The following GBF1 variants were observed in gnomAD, a reference collection of about 807,000 sequenced individuals.
GBF1 encodes the protein Golgi-specific brefeldin A-resistance guanine nucleotide exchange factor 1.
Under a neutral mutation model 210.5 loss-of-function variants are expected in GBF1, and 114 were observed. The ratio of observed to expected loss-of-function variants is 0.54; its 90% CI spans 0.47 to 0.63. The LOEUF (loss-of-function observed/expected upper bound fraction) is 0.63, where lower values mean the gene tolerates loss of function less well. GBF1 is among the 30% of genes least tolerant of loss of function. The probability of loss-of-function intolerance (pLI) is 0.00; values close to 1 mark genes in which losing one functional copy is unlikely to be tolerated. For synonymous variants in GBF1, 850 were observed against 889.2 expected (o/e 0.96, Z 0.78); for missense variants, 1,851 against 2,357.7 (o/e 0.79, Z 4.45).
At chr10:102,377,201 G>T (rs779253604) in intron 33 of GBF1, 61 bp downstream of exon 33, 3 of 1,441,830 alleles carry the variant, frequency 2.1e-6, no homozygotes, top group African/African-American at 2.8e-5. Flanking sequence ...AGCCTGGGGC[G>T]GCCAGGGAAA....
At chr10:102,367,377 G>A (rs954904916) in intron 20 of GBF1, 101 bp from the exon 21 acceptor site, 7 of 1,142,018 alleles carry the variant, frequency 6.1e-6, no homozygotes, top group African/African-American at 1.5e-5. Context: ...GGGTTTTTTC[G>A]CTTACCTTTT....
the GBF1 span, among the ~76,000 whole-genome samples, chr10:102,236,349 G>T: frequency 1.3e-5 from 2 of 152,242 alleles, no homozygotes; most frequent in African/African-American, 4.8e-5. Context: ...GACAGAGAGA[G>T]TCAGAAGATA....
At chr10:102,287,476 C>T (rs1036038220) in intron 3 of GBF1, among the ~76,000 whole-genome samples, 3 of 150,348 alleles carry the variant, frequency 2.0e-5, no homozygotes, top group African/African-American at 7.4e-5. Flanking sequence ...GCATGAGCCA[C>T]TGCACCTGGT....
chr10:102,354,904 A>C (rs1034332404), intron 8 of GBF1, among the ~76,000 whole-genome samples: 4 of 145,372 alleles, frequency 2.8e-5, no homozygotes, highest in Non-Finnish European at 4.5e-5. Flanking sequence ...TAGTCCATCT[A>C]GTTGGGATCT....
chr10:102,304,025 A>G (rs2077626924), intron 3 of GBF1, among the ~76,000 whole-genome samples: 1 of 151,966 alleles, frequency 6.6e-6, no homozygotes, highest in Non-Finnish European at 1.5e-5. Flanking sequence ...GCCTTTAGAG[A>G]GCACATAATG....
rs749478263 is a variant in GBF1, at chr10:102,376,667, C to T, written c.4155C>T (p.His1385=). The T allele has an allele frequency of 8.5e-5, 137 of 1,613,768 alleles. No individual in the cohort carries two copies. In the Admixed American group the frequency reaches 1.7e-3, roughly 20 times the overall value. ...CAGTGGGACTGGATTTGGGGCCACA[C>T]GACACTAAGTCTCTGCTTAAGTGTG... ...SLTVGLDLGP[H]DTKSLLKCVE... Residue 1385 remains histidine, a synonymous_variant, in exon 32 of 40, where the codon CAC becomes CAT. Coordinates refer to ENST00000369983, the MANE Select transcript of GBF1 (RefSeq NM_001377137.1).
intron 3 of GBF1, 95 bp downstream of exon 3, chr10:102,260,211 T>C: frequency 1.5e-6 from 1 of 683,360 alleles, no homozygotes; most frequent in Middle Eastern, 2.7e-4. Context: ...TAAAGGACTT[T>C]ATAGTAAATA....
At chr10:102,286,200 T>TG (rs1554951951) in intron 3 of GBF1, among the ~76,000 whole-genome samples, 8 of 134,786 alleles carry the variant, frequency 5.9e-5, no homozygotes, top group African/African-American at 2.4e-4. Context: ...AAGGGTTTTT[T>TG]TTTTTTTTTT....
At chr10:102,368,150 C>T in intron 21 of GBF1, 68 bp from the exon 22 acceptor site, 2 of 983,062 alleles carry the variant, frequency 2.0e-6, no homozygotes, top group Admixed American at 3.4e-5. Context: ...TGGATGAACT[C>T]CTAGTCTTGG....
At chr10:102,329,919 G>A (rs1271188209) in intron 3 of GBF1, among the ~76,000 whole-genome samples, 2 of 152,006 alleles carry the variant, frequency 1.3e-5, no homozygotes, top group Admixed American at 6.6e-5. Flanking sequence ...GACCAGCCTG[G>A]GCAACATAGC....
Position 102,363,905 on chromosome 10 carries a change from C to T in GBF1, c.2106+107C>T. 1 of 687,026 alleles carries T rather than the reference C, an allele frequency of 1.5e-6. No homozygotes were observed. The highest frequency in any genetic ancestry group is 2.5e-6 in the Non-Finnish European group (1 of 393,514). The allele number at this position is 687,026 out of a possible 1,614,324, so 42.6% of individuals were successfully genotyped here. A position where few individuals can be genotyped will look rare whatever the true frequency, so the allele number is the denominator to read the frequency against. On this transcript the variant is annotated intron_variant, in intron 17 of 39. Transcript: ENST00000369983. This position sits in a 1 kb window ranked among gnomAD's most constrained non-coding sequence, Gnocchi z 4.2. The stretch of plus-strand genomic sequence containing the variant: ...GAGAGTCTAGCACCTCATTGTACAG[C>T]TTCCTGAGGCCAGTCTTTGGGCTTG...
rs1211965905 is a variant in GBF1 at position 102,382,161 on chromosome 10, C to T, written c.5408C>T (p.Pro1803Leu). The stretch of plus-strand genomic sequence containing the variant: ...AGCCCCACCCCCGACGGGCCTCCAC[C>T]CTTGGCTCAGCCCCCACTGATCCTG... ...RLSPTPDGPP[P>L]LAQPPLILQP... Residue 1803 changes from proline to leucine, a missense_variant, in exon 40 of 40, where the codon CCC becomes CTC. Coordinates refer to ENST00000369983, the MANE Select transcript of GBF1 (RefSeq NM_001377137.1). 1.2e-6 allele frequency: 2 copies of T among 1,613,534 alleles called. No individual in the cohort carries two copies. The highest frequency in any genetic ancestry group is 2.2e-5 in the East Asian group (1 of 44,890).
intron 3 of GBF1, among the ~76,000 whole-genome samples, chr10:102,338,616 A>G (rs559364955): frequency 1.3e-5 from 2 of 152,026 alleles, no homozygotes; most frequent in East Asian, 1.9e-4. Flanking sequence ...GAGTGAGACT[A>G]GTCCATTGAC....
At chr10:102,249,321 T>A (rs1365392285) in intron 1 of GBF1, among the ~76,000 whole-genome samples, 1 of 152,096 alleles carries the variant, frequency 6.6e-6, no homozygotes, top group Non-Finnish European at 1.5e-5. Context: ...TAGAGAAGGT[T>A]TGTTTTATTT....
At chr10:102,235,186 C>CCCA in the GBF1 span, among the ~76,000 whole-genome samples, 4 of 144,626 alleles carry the variant, frequency 2.8e-5, no homozygotes, top group East Asian at 2.3e-4. Flanking sequence ...CCCACCCCCC[C>CCCA]ACCGCCTCCC....
chr10:102,352,942 C>G (rs574361839), intron 7 of GBF1, among the ~76,000 whole-genome samples: 10 of 152,222 alleles, frequency 6.6e-5, no homozygotes, highest in Admixed American at 5.9e-4. Context: ...GGCAAACCCC[C>G]CTCAGTCCCA....
chr10:102,246,605 A>T (rs2070864296), intron 1 of GBF1, among the ~76,000 whole-genome samples: 1 of 152,204 alleles, frequency 6.6e-6, no homozygotes, highest in Non-Finnish European at 1.5e-5. Context: ...TCGGCCTATT[A>T]TGTTTAGTGG....
chr10:102,378,126 G>A (rs1208491676), intron 33 of GBF1, among the ~76,000 whole-genome samples: 1 of 151,426 alleles, frequency 6.6e-6, no homozygotes, highest in African/African-American at 2.4e-5. Flanking sequence ...GCTGAGACAG[G>A]AGAATGGCGT....
rs1452798566 is a variant in GBF1, at chr10:102,379,343, G to A, written c.4554G>A (p.Ala1518=). ...TRAASIYSSW[A]EEQRHLETGG... ...CAGCCTCTATCTACAGCTCATGGGC[G>A]GAGGAGCAACGCCACCTGGAGACAG... Residue 1518 remains alanine (A), a synonymous_variant, in exon 34 of 40, where the codon GCG becomes GCA. Transcript: ENST00000369983. 1.1e-5 allele frequency: 18 copies of A among 1,613,932 alleles called. No individual in the cohort carries two copies. The highest frequency in any genetic ancestry group is 6.7e-5 in the East Asian group (3 of 44,878).
Sources: gnomAD v4.1 joint callset for allele counts (sites outside exome capture counted in the v4.1 genomes callset) on GRCh38, gnomAD v4.1.1 for gene constraint, Gnocchi (gnomAD v3.1) non-coding constraint, MANE v1.5 for transcripts, NCBI Gene and HGNC (gene_info 2026-07-23, HGNC 2026-07-21) for gene names.